PTPRG: variants seen among roughly 807,000 people sequenced by gnomAD.
PTPRG encodes protein tyrosine phosphatase receptor type G, also known as receptor-type tyrosine-protein phosphatase gamma.
Under a neutral mutation model 165.3 loss-of-function variants are expected in PTPRG, and 102 were observed. That is an observed-to-expected ratio of 0.62 (90% CI 0.53 to 0.73). The LOEUF (loss-of-function observed/expected upper bound fraction) is 0.73, where lower values mean the gene tolerates loss of function less well. Ranked by LOEUF, PTPRG falls within the 30% of genes least tolerant of loss-of-function variation. The pLI, the probability that PTPRG is intolerant of heterozygous loss-of-function variation, is 0.00. For synonymous variants in PTPRG, 675 were observed against 669.5 expected (o/e 1.01, Z -0.13); for missense variants, 1,866 against 1,861.4 (o/e 1.00, Z -0.05).
intron 5 of PTPRG, among the ~76,000 whole-genome samples, chr3:62,102,005 C>A (rs947378450): frequency 1.3e-5 from 2 of 151,594 alleles, no homozygotes. Flanking sequence ...CTTTTTTTTC[C>A]TACTTTGATT....
chr3:62,279,654 T>C (rs1187452059), intron 26 of PTPRG, among the ~76,000 whole-genome samples: 2 of 152,090 alleles, frequency 1.3e-5, no homozygotes, highest in Non-Finnish European at 2.9e-5. Context: ...TACAGACTTC[T>C]TTTGTATAGA....
At chr3:61,791,916 T>C (rs2034887071) in intron 2 of PTPRG, among the ~76,000 whole-genome samples, 1 of 152,260 alleles carries the variant, frequency 6.6e-6, no homozygotes. Flanking sequence ...TTTATTTTTA[T>C]CTCACTTTTT....
chr3:61,811,135 T>C (rs1035752675), intron 2 of PTPRG, among the ~76,000 whole-genome samples: 5 of 152,210 alleles, frequency 3.3e-5, no homozygotes, highest in African/African-American at 1.2e-4. Context: ...ATCTCACTTC[T>C]GGCTGAACTT....
At chr3:62,064,130 A>AT (rs1700917161) in intron 4 of PTPRG, among the ~76,000 whole-genome samples, 1 of 125,064 alleles carries the variant, frequency 8.0e-6, no homozygotes, top group Non-Finnish European at 2.0e-5. Flanking sequence ...TTCAAGGGAG[A>AT]CTTTTTTTCC....
chr3:61,926,408 A>G (rs1224833778), intron 2 of PTPRG, among the ~76,000 whole-genome samples: 1 of 152,080 alleles, frequency 6.6e-6, no homozygotes, highest in Non-Finnish European at 1.5e-5. Context: ...TACTCCAGCC[A>G]TGTGATACGT....
chr3:62,074,353 T>TTTC (rs59777346), intron 4 of PTPRG, among the ~76,000 whole-genome samples: 5 of 22,550 alleles, frequency 2.2e-4, no homozygotes, highest in African/African-American at 4.9e-4. Flanking sequence ...CTTTTCTTTC[T>TTTC]TTTTTTTTTT....
intron 2 of PTPRG, among the ~76,000 whole-genome samples, chr3:61,935,917 C>G (rs570294300): frequency 6.6e-6 from 1 of 152,150 alleles, no homozygotes; most frequent in African/African-American, 2.4e-5. Flanking sequence ...CGTGTTGAAA[C>G]TTAATCCCCA....
chr3:61,867,001 G>A (rs2037430557), intron 2 of PTPRG, among the ~76,000 whole-genome samples: 1 of 152,280 alleles, frequency 6.6e-6, no homozygotes, highest in South Asian at 2.1e-4. Context: ...GAGTTTCAAG[G>A]CTTCTTGTTG....
At chr3:62,177,380 A>G (rs1292100217) in intron 8 of PTPRG, among the ~76,000 whole-genome samples, 1 of 152,204 alleles carries the variant, frequency 6.6e-6, no homozygotes, top group Non-Finnish European at 1.5e-5. Context: ...AGGATCTTGG[A>G]TATGGAAATT....
chr3:61,939,819 A>G (rs190195571), intron 2 of PTPRG, among the ~76,000 whole-genome samples: 8 of 151,456 alleles, frequency 5.3e-5, no homozygotes, highest in Admixed American at 2.0e-4. Context: ...GGGCTTTGCA[A>G]TGTCCACCCA....
At chr3:62,154,372 C>T (rs1704456858) in intron 6 of PTPRG, among the ~76,000 whole-genome samples, 1 of 152,178 alleles carries the variant, frequency 6.6e-6, no homozygotes. Flanking sequence ...TCTGACTGCA[C>T]GTGCTGATCA....
In PTPRG at chr3:62,268,999, T is replaced by C. The variant is rs74821691; in HGVS notation, c.2875-36T>C. ...ATTATCAACAGAATTGTGGCATAGA[T>C]TGCAGTTATACTTTACAACTTTTTT... is the stretch of plus-strand genomic sequence containing the variant. On this transcript the variant is annotated intron_variant, in intron 19 of 29. Coordinates refer to ENST00000474889, the MANE Select transcript of PTPRG (RefSeq NM_002841.4). The C allele has an allele frequency of 5.3e-3, 7,953 of 1,513,410 alleles. 58 individuals are homozygous for C. The highest frequency in any genetic ancestry group is 0.033 in the African/African-American group (2,364 of 72,282). 93.7% of individuals were successfully genotyped at this position (1,513,410 alleles called of 1,614,324 possible).
chr3:62,012,430 C>T (rs900985089), intron 4 of PTPRG, among the ~76,000 whole-genome samples: 1 of 151,994 alleles, frequency 6.6e-6, no homozygotes, highest in Non-Finnish European at 1.5e-5. Context: ...GTTGAGTGTT[C>T]CTCATCTGAA....
intron 2 of PTPRG, among the ~76,000 whole-genome samples, chr3:61,888,172 G>C (rs1262415696): frequency 6.6e-6 from 1 of 151,716 alleles, no homozygotes; most frequent in African/African-American, 2.4e-5. Context: ...GTATACTTTT[G>C]ATCTAGTTTC....
intron 1 of PTPRG, among the ~76,000 whole-genome samples, chr3:61,575,402 A>T (rs1220863535): frequency 6.6e-6 from 1 of 151,364 alleles, no homozygotes; most frequent in African/African-American, 2.4e-5. Flanking sequence ...ATGTGTATTT[A>T]AAAAAAAATG....
chr3:61,917,716 G>C (rs1393721096), intron 2 of PTPRG, among the ~76,000 whole-genome samples: 1 of 152,178 alleles, frequency 6.6e-6, no homozygotes, highest in Non-Finnish European at 1.5e-5. Context: ...GATCACCTGA[G>C]GTCAGGAGTT....
At position 61,782,675 on chromosome 3, in the gene PTPRG, C is replaced by T. The variant is rs562677000; in HGVS notation, c.190+33693C>T. 1.1e-4 allele frequency among the ~76,000 whole-genome samples: 16 copies of T among 152,318 alleles called. No individual in the cohort carries two copies. The East Asian group carries it at 2.7e-3, about 26-fold the overall frequency. ...AAGGGCTGAAAGAGAAAACTGAAGA[C>T]GAATGTTTAACCTAGTTGACCTGGC... On this transcript the variant is annotated intron_variant, in intron 2 of 29. Coordinates refer to ENST00000474889, the MANE Select transcript of PTPRG (RefSeq NM_002841.4).
chr3:61,821,534 G>A (rs2035958129), intron 2 of PTPRG, among the ~76,000 whole-genome samples: 1 of 152,112 alleles, frequency 6.6e-6, no homozygotes, highest in African/African-American at 2.4e-5. Context: ...TCCTTTATGG[G>A]AAATAGTATT....
At chr3:62,218,004 G>T (rs1231873780) in intron 12 of PTPRG, 2 of 152,354 alleles carry the variant, frequency 1.3e-5, no homozygotes, top group Admixed American at 6.5e-5. Context: ...TCTTGGGAAA[G>T]AAAATAGGAG....
Sources: gnomAD v4.1 joint callset for allele counts (sites outside exome capture counted in the v4.1 genomes callset) on GRCh38, gnomAD v4.1.1 for gene constraint, MANE v1.5 for transcripts, NCBI Gene and HGNC (gene_info 2026-07-23, HGNC 2026-07-21) for gene names.